Variants in PTPRD observed in about 807,000 individuals in gnomAD.
The protein encoded by PTPRD is protein tyrosine phosphatase receptor type D, also known as receptor-type tyrosine-protein phosphatase delta.
PTPRD carries 34 observed loss-of-function variants against 214.5 expected under a neutral mutation model. That is an observed-to-expected ratio of 0.16 (90% confidence interval 0.12 to 0.21). PTPRD has a LOEUF of 0.21. Ranked by LOEUF, PTPRD falls within the 10% of genes least tolerant of loss-of-function variation. PTPRD has a pLI of 1.00. For missense variants in PTPRD, 2,545 were observed against 2,398.7 expected (o/e 1.06, Z -1.27); for synonymous variants, 1,128 against 845.7 (o/e 1.33, Z -5.79).
At chr9:10,500,957 G>T (rs2043499940) in intron 2 of PTPRD, among the ~76,000 whole-genome samples, 1 of 151,894 alleles carries the variant, frequency 6.6e-6, no homozygotes, top group African/African-American at 2.4e-5. Flanking sequence ...CACTTAGGTT[G>T]CTTACAAACC....
At chr9:10,477,661 A>G (rs907205372) in intron 2 of PTPRD, among the ~76,000 whole-genome samples, 4 of 152,086 alleles carry the variant, frequency 2.6e-5, no homozygotes, top group African/African-American at 9.7e-5. Flanking sequence ...AAATCATTCT[A>G]CTCTAAAAAC....
At position 10,612,685 on chromosome 9, in the gene PTPRD, T is replaced by C. The variant is rs190574689; in HGVS notation, c.-708+3A>G. On this transcript the variant is annotated splice_donor_region_variant and intron_variant, in intron 1 of 45. Transcript: ENST00000381196. The stretch of plus-strand genomic sequence containing the variant: ...CCTGCTAATTATTCTGAAGGCAAAG[T>C]ACCTGCACTCTCCCCGCCGAGGCTG... The C allele has an allele frequency of 3.9e-5, 6 of 152,448 alleles. No homozygotes were observed. Among genetic ancestry groups the C allele is most frequent in the African/African-American group, 1.4e-4 (6 of 41,564 alleles). 9.4% of individuals were successfully genotyped at this position (152,448 alleles called of 1,614,324 possible). A position where few individuals can be genotyped will look rare whatever the true frequency, so the allele number is the denominator to read the frequency against.
intron 35 of PTPRD, among the ~76,000 whole-genome samples, chr9:8,412,660 A>G (rs951684463): frequency 6.6e-6 from 1 of 152,180 alleles, no homozygotes; most frequent in African/African-American, 2.4e-5. Context: ...TCCCTGATAG[A>G]AGACTATCTT....
chr9:9,504,929 G>C (rs1489087454), intron 8 of PTPRD, among the ~76,000 whole-genome samples: 1 of 151,596 alleles, frequency 6.6e-6, no homozygotes, highest in African/African-American at 2.4e-5. Context: ...AATAATGATT[G>C]CAGTAGAGAG....
At chr9:8,656,534 A>G (rs1267772077) in intron 12 of PTPRD, among the ~76,000 whole-genome samples, 1 of 152,102 alleles carries the variant, frequency 6.6e-6, no homozygotes, top group Non-Finnish European at 1.5e-5. Flanking sequence ...TAGGTACCAC[A>G]CGTCACACTG....
chr9:10,046,086 A>G (rs1441407), intron 3 of PTPRD, among the ~76,000 whole-genome samples: 34,213 of 151,648 alleles, frequency 0.23, 4,810 homozygotes, highest in Middle Eastern at 0.32. Flanking sequence ...ATATACAGAA[A>G]TATTCTAGCA....
chr9:8,803,538 G>A (rs1379508605), intron 11 of PTPRD, among the ~76,000 whole-genome samples: 11 of 151,594 alleles, frequency 7.3e-5, no homozygotes, highest in African/African-American at 2.4e-4. Context: ...AAATTATAAC[G>A]CCTGAGCAAC....
chr9:9,258,364 A>G (rs1297618229), intron 9 of PTPRD, among the ~76,000 whole-genome samples: 1 of 151,792 alleles, frequency 6.6e-6, no homozygotes, highest in African/African-American at 2.4e-5. Flanking sequence ...GCTGGCTATT[A>G]TGGTTTGTAA....
At chr9:8,761,146 A>G (rs1418293598) in intron 11 of PTPRD, among the ~76,000 whole-genome samples, 1 of 152,214 alleles carries the variant, frequency 6.6e-6, no homozygotes, top group Non-Finnish European at 1.5e-5. Flanking sequence ...CTAAATATAA[A>G]TGATCTAAAA....
At chr9:10,268,208 T>G (rs1196596677) in intron 3 of PTPRD, among the ~76,000 whole-genome samples, 1 of 150,190 alleles carries the variant, frequency 6.7e-6, no homozygotes, top group Non-Finnish European at 1.5e-5. Context: ...GAGAATCGCT[T>G]GAACCCAGGA....
intron 3 of PTPRD, among the ~76,000 whole-genome samples, chr9:10,183,996 A>G (rs1017917185): frequency 1.3e-5 from 2 of 152,228 alleles, no homozygotes; most frequent in African/African-American, 4.8e-5. Context: ...AAATTTTAAC[A>G]CATCTGGTCA....
At chr9:10,566,060 C>G (rs778189178) in intron 2 of PTPRD, among the ~76,000 whole-genome samples, 54 of 151,922 alleles carry the variant, frequency 3.6e-4, no homozygotes, top group Non-Finnish European at 6.9e-4. Flanking sequence ...TCTTTCATGT[C>G]TTTTATTCAA....
At chr9:9,721,403 C>T (rs532753891) in intron 7 of PTPRD, among the ~76,000 whole-genome samples, 28 of 152,154 alleles carry the variant, frequency 1.8e-4, no homozygotes, top group African/African-American at 6.7e-4. Flanking sequence ...TAGTCTTGCT[C>T]CTTTGTAGAA....
rs1317649175 is a variant in PTPRD, at chr9:8,316,233, A to G, written c.*1641T>C. The G allele has an allele frequency of 4.3e-6, 1 of 229,886 alleles. No individual in the cohort carries two copies. Among genetic ancestry groups the G allele is most frequent in the East Asian group, 6.2e-5 (1 of 16,140 alleles). The allele number at this position is 229,886 out of a possible 1,614,324, so 14.2% of individuals were successfully genotyped here. ...CATATTATTCAAAGAGTTTTTGTACATGTGGTAAACAGATAATGCTTTAAT... is the reference window on the plus strand; with the variant it reads ...CATATTATTCAAAGAGTTTTTGTACGTGTGGTAAACAGATAATGCTTTAAT... On this transcript the variant is annotated 3_prime_UTR_variant, in exon 46 of 46. Transcript: ENST00000381196.
At chr9:8,701,280 C>T (rs1004935576) in intron 12 of PTPRD, 2 of 152,264 alleles carry the variant, frequency 1.3e-5, no homozygotes, top group South Asian at 4.1e-4. Flanking sequence ...TAAAAGAGTA[C>T]ATTTAATATT....
chr9:9,873,438 A>T (rs2066012437), intron 5 of PTPRD, among the ~76,000 whole-genome samples: 2 of 152,114 alleles, frequency 1.3e-5, no homozygotes, highest in South Asian at 2.1e-4. Context: ...GAAACTCATA[A>T]GCTCTAACTA....
Position 9,169,732 on chromosome 9 carries a change from G to A in PTPRD, c.-143+13572C>T, listed in dbSNP as rs1306106329. Among the ~76,000 whole-genome samples the A allele has an allele frequency of 3.9e-5, 6 of 152,096 alleles. No individual in the cohort carries two copies. The East Asian group carries it at 1.2e-3, about 29-fold the overall frequency. On this transcript the variant is annotated intron_variant, in intron 10 of 45. Transcript: ENST00000381196. The stretch of plus-strand genomic sequence containing the variant: ...TGTTTAATACCCCTGGGCTGATTTT[G>A]GAAATTTCAGGTTAAACACATTCTA...
chr9:9,013,131 A>C (rs551526843), intron 11 of PTPRD, among the ~76,000 whole-genome samples: 1 of 152,218 alleles, frequency 6.6e-6, no homozygotes, highest in African/African-American at 2.4e-5. Context: ...AATTCTTGCT[A>C]GCTCTTATTT....
At chr9:8,677,889 G>A (rs1007461709) in intron 12 of PTPRD, among the ~76,000 whole-genome samples, 4 of 152,090 alleles carry the variant, frequency 2.6e-5, no homozygotes, top group Admixed American at 1.3e-4. Flanking sequence ...AGAGGAAGGG[G>A]AAAGCAGCAG....
Sources: allele counts gnomAD v4.1 joint callset (sites outside exome capture counted in the v4.1 genomes callset), GRCh38; gene constraint gnomAD v4.1.1; transcripts MANE v1.5; gene names NCBI Gene and HGNC (gene_info 2026-07-23, HGNC 2026-07-21).